KRABD4: variants seen among roughly 807,000 people sequenced by gnomAD.
The protein encoded by KRABD4 is KRAB domain-containing protein 4.
the KRABD4 span, chrX:46,456,773 C>T: frequency 3.0e-6 from 1 of 329,527 alleles, no homozygotes. Flanking sequence ...GTCCTGCTTA[C>T]AGGATACTGG....
At chrX:46,461,390 G>A in the KRABD4 span, among the ~76,000 whole-genome samples, 1 of 111,251 alleles carries the variant, frequency 9.0e-6, no homozygotes, top group Admixed American at 9.5e-5. Context: ...GAGCTATCAC[G>A]AGGGAGGGGC....
At chrX:46,462,632 T>A in the KRABD4 span, 1 of 1,175,187 alleles carries the variant, frequency 8.5e-7, no homozygotes, top group African/African-American at 1.8e-5. Flanking sequence ...CCTCACGCTC[T>A]TCATCTGTCA....
At chrX:46,456,025 A>T in the KRABD4 span, 1 of 353,347 alleles carries the variant, frequency 2.8e-6, no homozygotes, top group Non-Finnish European at 5.5e-6. Flanking sequence ...CTGTAAAGTT[A>T]GGTGCTTCCT....
the KRABD4 span, among the ~76,000 whole-genome samples, chrX:46,460,404 C>G: frequency 2.1e-5 from 2 of 95,037 alleles, no homozygotes; most frequent in African/African-American, 7.6e-5. Context: ...GCAACAAGAG[C>G]GAAACTCAGT....
the KRABD4 span, chrX:46,455,766 C>A: frequency 2.6e-6 from 1 of 381,881 alleles, no homozygotes. Context: ...CTGGTACTGA[C>A]TGGTGCTGAG....
At chrX:46,450,128 G>C in the KRABD4 span, among the ~76,000 whole-genome samples, 1 of 111,780 alleles carries the variant, frequency 8.9e-6, no homozygotes, top group Non-Finnish European at 1.9e-5. Context: ...CCACATTTAG[G>C]AATGTTTCAT....
chrX:46,466,602 A>C, the KRABD4 span, among the ~76,000 whole-genome samples: 1 of 112,675 alleles, frequency 8.9e-6, no homozygotes, highest in Non-Finnish European at 1.9e-5. Flanking sequence ...ATTAGTGCTC[A>C]TGAAGTATTT....
At chrX:46,468,529 G>A in the KRABD4 span, among the ~76,000 whole-genome samples, 4 of 109,945 alleles carry the variant, frequency 3.6e-5, no homozygotes, top group Non-Finnish European at 7.6e-5. Context: ...GGGCAACAGA[G>A]CAAGACTCTG....
the KRABD4 span, among the ~76,000 whole-genome samples, chrX:46,466,808 T>C: frequency 8.9e-6 from 1 of 112,482 alleles, no homozygotes; most frequent in Middle Eastern, 4.6e-3. Flanking sequence ...TTCTTAGGTG[T>C]ATAGTTGTAT....
chrX:46,459,249 G>A, the KRABD4 span, among the ~76,000 whole-genome samples: 1 of 108,140 alleles, frequency 9.2e-6, no homozygotes. Context: ...GGGGGGCAGA[G>A]GTTGCAGTGA....
the KRABD4 span, among the ~76,000 whole-genome samples, chrX:46,466,941 A>T: frequency 4.7e-3 from 516 of 110,533 alleles, 5 homozygotes; most frequent in Non-Finnish European, 5.7e-3. Flanking sequence ...CCCAGGCTTG[A>T]CCTCTTTTCC....
At chrX:46,464,684 A>G in the KRABD4 span, among the ~76,000 whole-genome samples, 1 of 112,180 alleles carries the variant, frequency 8.9e-6, no homozygotes, top group Non-Finnish European at 1.9e-5. Context: ...TGATGTGCTG[A>G]TGGTATGCTT....
chrX:46,472,510 T>C, the KRABD4 span: 2 of 343,596 alleles, frequency 5.8e-6, no homozygotes, highest in East Asian at 9.5e-5. Flanking sequence ...ACATAATAAA[T>C]TTATTTTCTG....
chrX:46,468,501 G>A, the KRABD4 span, among the ~76,000 whole-genome samples: 2 of 110,096 alleles, frequency 1.8e-5, no homozygotes, highest in African/African-American at 6.6e-5. Flanking sequence ...GTACTCCAGC[G>A]CTCCAGTACT....
chrX:46,462,583 T>C, the KRABD4 span: 1 of 887,847 alleles, frequency 1.1e-6, no homozygotes, highest in South Asian at 2.5e-5. Context: ...CCCTCATTCC[T>C]GGCTGTGTGA....
the KRABD4 span, chrX:46,456,924 C>T: frequency 1.4e-5 from 4 of 292,405 alleles, no homozygotes; most frequent in Non-Finnish European, 2.4e-5. Flanking sequence ...AAAAACCCAA[C>T]TTCTGGTGGT....
At chrX:46,460,461 G>A in the KRABD4 span, among the ~76,000 whole-genome samples, 8 of 108,803 alleles carry the variant, frequency 7.4e-5, no homozygotes, top group East Asian at 2.9e-4. Context: ...ATATTACAGA[G>A]GATACAGATG....
chrX:46,453,209 T>C, the KRABD4 span, among the ~76,000 whole-genome samples: 2 of 112,074 alleles, frequency 1.8e-5, no homozygotes, highest in African/African-American at 6.5e-5. Context: ...CTAGAGTTCT[T>C]GTATTGCTTA....
chrX:46,468,208 A>T, the KRABD4 span, among the ~76,000 whole-genome samples: 8 of 111,440 alleles, frequency 7.2e-5, no homozygotes, highest in Non-Finnish European at 1.1e-4. Flanking sequence ...TTTTTCTCAG[A>T]TCAACAAGTG....
Sources: allele counts gnomAD v4.1 joint callset (sites outside exome capture counted in the v4.1 genomes callset), GRCh38; gene constraint gnomAD v4.1.1; transcripts MANE v1.5; gene names NCBI Gene and HGNC (gene_info 2026-07-23, HGNC 2026-07-21).